ZNF236: variants seen among roughly 807,000 people sequenced by gnomAD.
ZNF236 encodes the protein regulated by glucose.
ZNF236 carries 50 observed loss-of-function variants against 191.2 expected under a neutral mutation model. The ratio of observed to expected loss-of-function variants is 0.26; its 90% CI spans 0.21 to 0.33. The LOEUF (loss-of-function observed/expected upper bound fraction) is 0.33, where lower values mean the gene tolerates loss of function less well. Ranked by LOEUF, ZNF236 falls within the 10% of genes least tolerant of loss-of-function variation. The probability of loss-of-function intolerance (pLI) is 1.00; values close to 1 mark genes in which losing one functional copy is unlikely to be tolerated. For synonymous variants in ZNF236, 907 were observed against 928.8 expected (o/e 0.98, Z 0.43); for missense variants, 1,754 against 2,374.5 (o/e 0.74, Z 5.43).
At chr18:76,847,100 C>A (rs1013815478) in intron 1 of ZNF236, among the ~76,000 whole-genome samples, 1 of 152,062 alleles carries the variant, frequency 6.6e-6, no homozygotes, top group African/African-American at 2.4e-5. Context: ...GCCTCGACAT[C>A]ATTTTTCAAT....
chr18:76,954,397 C>T (rs995310841), intron 27 of ZNF236, among the ~76,000 whole-genome samples: 3 of 152,284 alleles, frequency 2.0e-5, no homozygotes, highest in South Asian at 4.1e-4. Flanking sequence ...GACATTAGGT[C>T]GCTCCATAAC....
chr18:76,951,489 T>C (rs1376985161), intron 27 of ZNF236, among the ~76,000 whole-genome samples: 1 of 152,228 alleles, frequency 6.6e-6, no homozygotes, highest in Non-Finnish European at 1.5e-5. Flanking sequence ...TTCCAGCTTT[T>C]CTTCTGCAGC....
chr18:76,866,826 G>T (rs922795251), intron 3 of ZNF236, among the ~76,000 whole-genome samples: 7 of 152,142 alleles, frequency 4.6e-5, no homozygotes, highest in East Asian at 3.9e-4. Context: ...GGGCGCGCAG[G>T]GGGAGGGAGG....
rs149870226 is a variant in ZNF236, at chr18:76,914,068, T to C, written c.3061+170T>C. Reference sequence around the variant, plus strand: ...AACTGTAATTTTAGGACATTTTTATTACACATAAAAGAAACTCTGTACCCA... The same window carrying C: ...AACTGTAATTTTAGGACATTTTTATCACACATAAAAGAAACTCTGTACCCA... On this transcript the variant is annotated intron_variant, in intron 18 of 30. Transcript: ENST00000320610. Among the ~76,000 whole-genome samples, 424 of 152,368 alleles carry C rather than the reference T, an allele frequency of 2.8e-3. 1 individual carries two copies. Among genetic ancestry groups the C allele is most frequent in the Middle Eastern group, 0.017 (5 of 294 alleles).
intron 20 of ZNF236, among the ~76,000 whole-genome samples, chr18:76,921,849 CT>C (rs1967546122): frequency 7.0e-6 from 1 of 142,758 alleles, no homozygotes; most frequent in Non-Finnish European, 1.5e-5. Context: ...GTTCTTATAG[CT>C]GTGTTTTCTT....
At chr18:76,830,625 G>C (rs1447576559) in intron 1 of ZNF236, among the ~76,000 whole-genome samples, 1 of 152,014 alleles carries the variant, frequency 6.6e-6, no homozygotes, top group African/African-American at 2.4e-5. Context: ...ACTAATGATA[G>C]CTGGTGGAGT....
At chr18:76,950,136 G>T (rs190291343) in intron 27 of ZNF236, among the ~76,000 whole-genome samples, 11 of 152,124 alleles carry the variant, frequency 7.2e-5, no homozygotes, top group African/African-American at 9.7e-5. Context: ...TGGGGTGGCC[G>T]TGACGATTTC....
chr18:76,824,356 T>C (rs1974957670), intron 1 of ZNF236: 1 of 781,090 alleles, frequency 1.3e-6, no homozygotes, highest in Admixed American at 1.7e-5. Flanking sequence ...TTCGCACACC[T>C]CATGGGCCTT....
At chr18:76,921,503 A>G (rs1189185466) in intron 20 of ZNF236, among the ~76,000 whole-genome samples, 1 of 152,182 alleles carries the variant, frequency 6.6e-6, no homozygotes, top group Non-Finnish European at 1.5e-5. Flanking sequence ...GGAGGAACTC[A>G]TGAACTAACT....
intron 3 of ZNF236, among the ~76,000 whole-genome samples, chr18:76,863,415 A>T (rs1034207858): frequency 6.6e-6 from 1 of 152,216 alleles, no homozygotes; most frequent in African/African-American, 2.4e-5. Context: ...TTGAAAACTA[A>T]ACCTAAGAAA....
At chr18:76,955,799 T>C (rs1377425288) in intron 27 of ZNF236, among the ~76,000 whole-genome samples, 186 bp from the exon 28 acceptor site, 1 of 152,226 alleles carries the variant, frequency 6.6e-6, no homozygotes, top group Non-Finnish European at 1.5e-5. Context: ...GGACACAGTG[T>C]GCATTCTGGT....
At chr18:76,872,593 CCTTAT>C (rs1976610013) in intron 5 of ZNF236, among the ~76,000 whole-genome samples, 1 of 152,214 alleles carries the variant, frequency 6.6e-6, no homozygotes, top group Non-Finnish European at 1.5e-5. Flanking sequence ...TTTCTCCATG[CCTTAT>C]CTTGTTCCTT....
intron 1 of ZNF236, among the ~76,000 whole-genome samples, chr18:76,825,367 G>C (rs1051335449): frequency 6.6e-6 from 1 of 152,132 alleles, no homozygotes; most frequent in South Asian, 2.1e-4. Flanking sequence ...AGACTGTTAG[G>C]CTTTTTCACT....
intron 3 of ZNF236, among the ~76,000 whole-genome samples, chr18:76,854,912 A>G (rs1976000130): frequency 6.6e-6 from 1 of 152,096 alleles, no homozygotes; most frequent in Non-Finnish European, 1.5e-5. Context: ...AAATGGCTAT[A>G]GTTATATTTA....
intron 27 of ZNF236, among the ~76,000 whole-genome samples, chr18:76,953,637 A>C (rs1033017265): frequency 6.6e-6 from 1 of 152,160 alleles, no homozygotes; most frequent in Admixed American, 6.5e-5. Context: ...GTTACTTGAG[A>C]TCAGCTGGTC....
In ZNF236 at chr18:76,956,145, T is replaced by C. The variant is rs1349158382; in HGVS notation, c.5075T>C (p.Val1692Ala). Reference sequence around the variant, plus strand: ...CGGGAGCGCATCCACGGCTGCCCCGTGTGCAGGAAGGCCTTCAAGCGCGCC... The same window carrying C: ...CGGGAGCGCATCCACGGCTGCCCCGCGTGCAGGAAGGCCTTCAAGCGCGCC... ...HGRERIHGCPVCRKAFKRATH... is the reference protein window; with the variant it reads ...HGRERIHGCPACRKAFKRATH... The change falls in exon 28 of 31, where the codon GTG becomes GCG. Residue 1692 changes from valine to alanine, a missense_variant. Coordinates refer to ENST00000320610, the MANE Select transcript of ZNF236 (RefSeq NM_001306089.2). The C allele has an allele frequency of 1.1e-5, 17 of 1,563,692 alleles. No homozygotes were observed. The highest frequency in any genetic ancestry group is 1.4e-5 in the Non-Finnish European group (16 of 1,155,360).
chr18:76,846,074 C>G (rs1056569795), intron 1 of ZNF236, among the ~76,000 whole-genome samples: 5 of 152,084 alleles, frequency 3.3e-5, no homozygotes, highest in African/African-American at 1.2e-4. Flanking sequence ...AGCTGGGGCT[C>G]CTTTCAGTTA....
At chr18:76,822,954 C>G (rs1363506640) in intron 1 of ZNF236, among the ~76,000 whole-genome samples, 10 of 148,248 alleles carry the variant, frequency 6.7e-5, no homozygotes, top group Non-Finnish European at 1.5e-4. Flanking sequence ...CCGCCTCCTG[C>G]GCGCGCCCTG....
intron 30 of ZNF236, among the ~76,000 whole-genome samples, chr18:76,966,880 C>T (rs1479613901): frequency 6.6e-6 from 1 of 152,214 alleles, no homozygotes; most frequent in African/African-American, 2.4e-5. Flanking sequence ...GTGGCAGTAG[C>T]TATGCAAGGA....
Sources: allele counts gnomAD v4.1 joint callset (sites outside exome capture counted in the v4.1 genomes callset), GRCh38; gene constraint gnomAD v4.1.1; transcripts MANE v1.5; gene names NCBI Gene and HGNC (gene_info 2026-07-23, HGNC 2026-07-21).